The following PARD3 variants were observed in gnomAD, a reference collection of about 807,000 sequenced individuals.
PARD3 encodes the protein partitioning defective 3 homolog.
A neutral mutation model predicts 155.4 loss-of-function variants in PARD3; 75 were observed. That is an observed-to-expected ratio of 0.48 (90% confidence interval 0.40 to 0.58). The LOEUF (loss-of-function observed/expected upper bound fraction) is 0.58, where lower values mean the gene tolerates loss of function less well. PARD3 is among the 20% of genes least tolerant of loss of function. The probability of loss-of-function intolerance (pLI) is 0.00; values close to 1 mark genes in which losing one functional copy is unlikely to be tolerated. For missense variants in PARD3, 1,642 were observed against 1,721.7 expected (o/e 0.95, Z 0.82); for synonymous variants, 576 against 610.5 (o/e 0.94, Z 0.83).
chr10:34,320,807 A>G, intron 19 of PARD3, among the ~76,000 whole-genome samples: 1 of 152,174 alleles, frequency 6.6e-6, no homozygotes, highest in Non-Finnish European at 1.5e-5. Flanking sequence ...ACACTTGCAC[A>G]TTGGAGGATT....
rs148682851 is a variant in PARD3 at position 34,725,310 on chromosome 10, G to A, written c.121-28891C>T. 5.5e-3 allele frequency among the ~76,000 whole-genome samples: 843 copies of A among 152,008 alleles called. 7 individuals are homozygous for A. Among genetic ancestry groups the A allele is most frequent in the African/African-American group, 0.019 (800 of 41,430 alleles). ...TGGGGTTACAGATGCCTGCCACTACGCCTGGCTAATTTTTGTATTTTTAGT... is the reference window on the plus strand; with the variant it reads ...TGGGGTTACAGATGCCTGCCACTACACCTGGCTAATTTTTGTATTTTTAGT... On this transcript the variant is annotated intron_variant, in intron 1 of 24. Transcript: ENST00000374788.
At chr10:34,592,733 C>A (rs2088832754) in intron 2 of PARD3, among the ~76,000 whole-genome samples, 1 of 152,150 alleles carries the variant, frequency 6.6e-6, no homozygotes, top group African/African-American at 2.4e-5. Context: ...GGAGATCACA[C>A]CACTGCATTC....
intron 2 of PARD3, among the ~76,000 whole-genome samples, chr10:34,520,127 C>G (rs1204543882): frequency 6.6e-6 from 1 of 152,184 alleles, no homozygotes; most frequent in Non-Finnish European, 1.5e-5. Context: ...CTCATAATTA[C>G]AGTCCTCATT....
At position 34,335,191 on chromosome 10, in the gene PARD3, T is replaced by C. The variant is rs1353871166; in HGVS notation, c.2605+1008A>G. 2.6e-5 allele frequency among the ~76,000 whole-genome samples: 4 copies of C among 151,972 alleles called. No individual in the cohort carries two copies. In the East Asian group the frequency reaches 7.7e-4, roughly 29 times the overall value. On this transcript the variant is annotated intron_variant, in intron 18 of 24. Coordinates refer to ENST00000374788, the MANE Select transcript of PARD3 (RefSeq NM_001184785.2). Reference sequence around the variant, plus strand: ...GGGATAAGGCTACGGTTAACTGCCGTGCAATACAGTTAATCTTATGATTTA... The same window carrying C: ...GGGATAAGGCTACGGTTAACTGCCGCGCAATACAGTTAATCTTATGATTTA...
intron 1 of PARD3, among the ~76,000 whole-genome samples, chr10:34,806,032 A>T (rs955513952): frequency 6.7e-6 from 1 of 148,534 alleles, no homozygotes; most frequent in Non-Finnish European, 1.5e-5. Flanking sequence ...CCCTAGACAA[A>T]TTTTTTTTTT....
intron 2 of PARD3, among the ~76,000 whole-genome samples, chr10:34,615,527 A>G (rs2091193204): frequency 6.6e-6 from 1 of 152,218 alleles, no homozygotes; most frequent in South Asian, 2.1e-4. Flanking sequence ...CACAGGAAAA[A>G]GGCTTCCCGA....
At chr10:34,531,926 G>A (rs1663995659) in intron 2 of PARD3, among the ~76,000 whole-genome samples, 1 of 152,240 alleles carries the variant, frequency 6.6e-6, no homozygotes, top group East Asian at 1.9e-4. Flanking sequence ...TGCTCACAAG[G>A]AGATGATGAG....
chr10:34,400,911 G>A (rs1375428492), intron 6 of PARD3, among the ~76,000 whole-genome samples: 2 of 151,658 alleles, frequency 1.3e-5, no homozygotes, highest in Non-Finnish European at 1.5e-5. Flanking sequence ...TGGTTTGTAA[G>A]CTAAGAATAG....
chr10:34,119,371 T>C (rs114885266), intron 24 of PARD3, among the ~76,000 whole-genome samples: 1 of 151,732 alleles, frequency 6.6e-6, no homozygotes, highest in Non-Finnish European at 1.5e-5. Flanking sequence ...GTCGCTTCAC[T>C]TTTTTAGGGA....
intron 2 of PARD3, among the ~76,000 whole-genome samples, chr10:34,687,436 C>G (rs1590651145): frequency 1.3e-5 from 2 of 152,178 alleles, no homozygotes; most frequent in South Asian, 2.1e-4. Flanking sequence ...CTAGAAAATC[C>G]CAAATTCTCT....
chr10:34,616,676 G>T (rs964698851), intron 2 of PARD3, among the ~76,000 whole-genome samples: 1 of 152,158 alleles, frequency 6.6e-6, no homozygotes, highest in Non-Finnish European at 1.5e-5. Flanking sequence ...GGTGGCTCAT[G>T]CCTGTAATCC....
At chr10:34,541,912 T>G (rs1413119110) in intron 2 of PARD3, among the ~76,000 whole-genome samples, 1 of 152,088 alleles carries the variant, frequency 6.6e-6, no homozygotes, top group Non-Finnish European at 1.5e-5. Context: ...GGTCTCACTC[T>G]GTGGCCCAGG....
chr10:34,331,071 TAG>T (rs754370599), intron 19 of PARD3, 44 bp downstream of exon 19: 3 of 1,479,042 alleles, frequency 2.0e-6, no homozygotes, highest in African/African-American at 2.8e-5. Context: ...CTTTAAGAAA[TAG>T]AGTCTAATTT....
chr10:34,125,333 G>A (rs1051511402), intron 23 of PARD3, among the ~76,000 whole-genome samples: 1 of 152,098 alleles, frequency 6.6e-6, no homozygotes. Context: ...CCAAAGTGCT[G>A]GGATTATAGG....
At chr10:34,231,043 C>CTGTATCTTAAAA (rs1952898704) in intron 22 of PARD3, among the ~76,000 whole-genome samples, 2 of 151,826 alleles carry the variant, frequency 1.3e-5, no homozygotes, top group Admixed American at 6.6e-5. Context: ...AAGAAAACCC[C>CTGTATCTTAAAA]AACTGAAACT....
intron 1 of PARD3, among the ~76,000 whole-genome samples, chr10:34,697,019 CAT>C (rs1554814225): frequency 2.3e-4 from 34 of 147,940 alleles, no homozygotes; most frequent in Non-Finnish European, 2.7e-4. Context: ...CACACACACA[CAT>C]ATTAAAATGC....
intron 14 of PARD3, among the ~76,000 whole-genome samples, chr10:34,353,130 G>C (rs914727094): frequency 6.6e-6 from 1 of 152,042 alleles, no homozygotes; most frequent in African/African-American, 2.4e-5. Context: ...TCTGGGAAGT[G>C]GGGGGCAGCC....
chr10:34,381,016 C>CT (rs890315628), intron 9 of PARD3, among the ~76,000 whole-genome samples: 11 of 152,134 alleles, frequency 7.2e-5, no homozygotes, highest in African/African-American at 2.4e-4. Flanking sequence ...TGATATGACT[C>CT]TGTGTTTGCA....
chr10:34,511,413 C>T (rs568769009), intron 3 of PARD3, among the ~76,000 whole-genome samples: 2 of 152,242 alleles, frequency 1.3e-5, no homozygotes, highest in African/African-American at 4.8e-5. Context: ...TTATAAAGAA[C>T]AGAAATGTAC....
Sources: gnomAD v4.1 joint callset for allele counts (sites outside exome capture counted in the v4.1 genomes callset) on GRCh38, gnomAD v4.1.1 for gene constraint, MANE v1.5 for transcripts, NCBI Gene and HGNC (gene_info 2026-07-23, HGNC 2026-07-21) for gene names.